Variants in RBPJ observed in about 807,000 individuals in gnomAD.
RBPJ encodes the protein recombination signal binding protein for immunoglobulin kappa J region.
RBPJ carries 9 observed loss-of-function variants against 67.8 expected under a neutral mutation model. That is an observed-to-expected ratio of 0.13 (90% CI 0.08 to 0.23). RBPJ has a LOEUF of 0.23. Among genes scored for constraint, RBPJ ranks in the 10% least tolerant of loss-of-function variants. The probability of loss-of-function intolerance (pLI) is 1.00; values close to 1 mark genes in which losing one functional copy is unlikely to be tolerated. For missense variants in RBPJ, 305 were observed against 595.6 expected (o/e 0.51, Z 5.08); for synonymous variants, 198 against 203.3 (o/e 0.97, Z 0.22).
rs1267717037 is a variant in RBPJ, at chr4:26,215,032, AGAAAGAG to A, written c.-167+51420_-167+51426del. Among the ~76,000 whole-genome samples the A allele has an allele frequency of 2.4e-4, 15 of 62,642 alleles. 1 individual carries two copies. Among genetic ancestry groups the A allele is most frequent in the East Asian group, 4.1e-3 (2 of 486 alleles). 41.1% of individuals were successfully genotyped at this position (62,642 alleles called of 152,430 possible). A position where few individuals can be genotyped will look rare whatever the true frequency, so the allele number is the denominator to read the frequency against. ...GGAAGGAGAGAAAGAAAGAAAGAAAAGAAAGAGGGAGGGAGGGAAGAGAGAGAGAAAG... is the reference window on the plus strand; with the variant it reads ...GGAAGGAGAGAAAGAAAGAAAGAAAAGGAGGGAGGGAAGAGAGAGAGAAAG... On this transcript the variant is annotated intron_variant, in intron 1 of 4. Transcript: ENST00000512351.
At chr4:26,238,462 TAGAA>T (rs1360404480) in intron 1 of RBPJ, among the ~76,000 whole-genome samples, 16 of 152,236 alleles carry the variant, frequency 1.1e-4, no homozygotes, top group South Asian at 1.0e-3. Flanking sequence ...AGGGATAAAA[TAGAA>T]GGAAGTATGG....
chr4:26,362,304 AGGGTT>A lies in RBPJ; in HGVS notation c.21-24048_21-24044del, dbSNP rs1728149235. 3 of 341,724 alleles carry A rather than the reference AGGGTT, an allele frequency of 8.8e-6. No individual in the cohort carries two copies. In the East Asian group the frequency reaches 1.4e-4, roughly 16 times the overall value. 21.2% of individuals were successfully genotyped at this position (341,724 alleles called of 1,614,324 possible). A position where few individuals can be genotyped will look rare whatever the true frequency, so the allele number is the denominator to read the frequency against. ...TGTCACTCTATTCCTCATTCATATG[AGGGTT>A]CACATTAAAAATGACAGTGTTACAC... is the stretch of plus-strand genomic sequence containing the variant. On this transcript the variant is annotated intron_variant, in intron 1 of 10. Coordinates refer to ENST00000355476, the MANE Select transcript of RBPJ (RefSeq NM_015874.6).
chr4:26,108,188 G>T, the RBPJ span, among the ~76,000 whole-genome samples: 1 of 152,152 alleles, frequency 6.6e-6, no homozygotes, highest in African/African-American at 2.4e-5. Context: ...GGTAGAGAGG[G>T]TTTATTTGGA....
intron 1 of RBPJ, among the ~76,000 whole-genome samples, chr4:26,177,337 AG>A (rs111657552): frequency 6.6e-5 from 10 of 152,336 alleles, no homozygotes; most frequent in African/African-American, 2.4e-4. Context: ...ATACTTTGGG[AG>A]GCCAAGGAGG....
At chr4:26,299,807 T>C (rs973405461) in intron 1 of RBPJ, among the ~76,000 whole-genome samples, 58 of 151,476 alleles carry the variant, frequency 3.8e-4, no homozygotes, top group Non-Finnish European at 2.8e-4. Flanking sequence ...GCCTTCCAAG[T>C]AGCTGGGATT....
intron 2 of RBPJ, among the ~76,000 whole-genome samples, chr4:26,393,744 T>G (rs1051356166): frequency 6.6e-6 from 1 of 152,090 alleles, no homozygotes; most frequent in Non-Finnish European, 1.5e-5. Flanking sequence ...GTTAGGAAAA[T>G]TTTAGTATCT....
rs1012492062 is a variant in RBPJ, at chr4:26,271,554, T to C, written c.-166-90892T>C. On this transcript the variant is annotated intron_variant, in intron 1 of 4. Transcript: ENST00000512351. ...ATCCCAGTTAATCTTCTCTGCTTGA[T>C]GAAATTCCCCAGGAGGGGATTCATG... Among the ~76,000 whole-genome samples, 3 of 152,004 alleles carry C rather than the reference T, an allele frequency of 2.0e-5. No homozygotes were observed. In the South Asian group the frequency reaches 6.2e-4, roughly 32 times the overall value.
In RBPJ at chr4:26,305,395, C is replaced by T. The variant is rs537015480; in HGVS notation, c.-166-57051C>T. On this transcript the variant is annotated intron_variant, in intron 1 of 4. Coordinates refer to the RBPJ transcript ENST00000512351. ...GATTTTGATAGTGATTGCATTGAAT[C>T]TGTGGAATAATTTGGTGAGTGTTGC... 4.6e-5 allele frequency among the ~76,000 whole-genome samples: 7 copies of T among 152,332 alleles called. No individual in the cohort carries two copies. The South Asian group carries it at 1.5e-3, about 32-fold the overall frequency.
chr4:26,275,884 C>T (rs62409733), intron 1 of RBPJ, among the ~76,000 whole-genome samples: 49,095 of 151,620 alleles, frequency 0.32, 9,474 homozygotes, highest in Admixed American at 0.43. Flanking sequence ...CCTCGGCCTC[C>T]CAAAGTGCTG....
intron 1 of RBPJ, among the ~76,000 whole-genome samples, chr4:26,266,674 G>A (rs556860817): frequency 5.9e-5 from 9 of 152,126 alleles, no homozygotes; most frequent in Non-Finnish European, 1.3e-4. Context: ...GTAGGGGTGA[G>A]GGTGAGTGAT....
At chr4:26,335,737 C>G (rs1265403700) in intron 1 of RBPJ, among the ~76,000 whole-genome samples, 1 of 151,028 alleles carries the variant, frequency 6.6e-6, no homozygotes, top group Non-Finnish European at 1.5e-5. Context: ...TCTCCTGCCT[C>G]AGCCTCCTGA....
At chr4:26,212,052 A>G (rs1346342227) in intron 1 of RBPJ, among the ~76,000 whole-genome samples, 1 of 152,160 alleles carries the variant, frequency 6.6e-6, no homozygotes, top group African/African-American at 2.4e-5. Context: ...AGCCCTCAGA[A>G]GGAGCCAACT....
chr4:26,179,610 A>G (rs1366194911), intron 1 of RBPJ, among the ~76,000 whole-genome samples: 2 of 152,174 alleles, frequency 1.3e-5, no homozygotes, highest in Non-Finnish European at 2.9e-5. Flanking sequence ...TCAAAACCAC[A>G]ATGAGTTACC....
At chr4:26,332,067 A>G (rs997743827) in intron 1 of RBPJ, among the ~76,000 whole-genome samples, 49 of 152,206 alleles carry the variant, frequency 3.2e-4, no homozygotes, top group Admixed American at 3.2e-3. Context: ...ATCCATGCTT[A>G]TCCACATGTC....
At chr4:26,155,434 C>CTT in the RBPJ span, among the ~76,000 whole-genome samples, 46 of 131,640 alleles carry the variant, frequency 3.5e-4, no homozygotes, top group African/African-American at 4.5e-4. Context: ...CTCTCTCTCT[C>CTT]TTTTTTTTTT....
the RBPJ span, among the ~76,000 whole-genome samples, chr4:26,147,976 G>A: frequency 6.6e-6 from 1 of 152,316 alleles, no homozygotes; most frequent in East Asian, 1.9e-4. Context: ...GCCCCACCTT[G>A]AACTTACTGA....
the RBPJ span, among the ~76,000 whole-genome samples, chr4:26,109,579 C>CTCTCTA: frequency 3.4e-5 from 1 of 29,392 alleles, no homozygotes; most frequent in African/African-American, 2.1e-4. Context: ...CTCTCTCTCT[C>CTCTCTA]TATATATATA....
upstream of RBPJ, among the ~76,000 whole-genome samples, chr4:26,158,628 A>G (rs1716018896): frequency 6.6e-6 from 1 of 152,208 alleles, no homozygotes; most frequent in Non-Finnish European, 1.5e-5. Flanking sequence ...GGAGTCTCCA[A>G]TATATGAGTC....
chr4:26,367,654 T>C (rs1236404508), intron 1 of RBPJ, among the ~76,000 whole-genome samples: 2 of 152,250 alleles, frequency 1.3e-5, no homozygotes, highest in African/African-American at 4.8e-5. Context: ...GCTTCTGTTT[T>C]TGTGAAGATT....
Sources: gnomAD v4.1 joint callset for allele counts (sites outside exome capture counted in the v4.1 genomes callset) on GRCh38, gnomAD v4.1.1 for gene constraint, MANE v1.5 for transcripts, NCBI Gene and HGNC (gene_info 2026-07-23, HGNC 2026-07-21) for gene names.